The following LNX2 variants were observed in gnomAD, a reference collection of about 807,000 sequenced individuals.
The protein encoded by LNX2 is ligand of Numb protein X 2.
A neutral mutation model predicts 66.2 loss-of-function variants in LNX2; 35 were observed. That is an observed-to-expected ratio of 0.53 (90% CI 0.40 to 0.70). The LOEUF (loss-of-function observed/expected upper bound fraction) is 0.70, where lower values mean the gene tolerates loss of function less well. Ranked by LOEUF, LNX2 falls within the 30% of genes least tolerant of loss-of-function variation. The pLI, the probability that LNX2 is intolerant of heterozygous loss-of-function variation, is 0.00. For synonymous variants in LNX2, 337 were observed against 315.6 expected, an observed-to-expected ratio of 1.07 and a Z score of -0.72; for missense variants, 791 against 850.8, an observed-to-expected ratio of 0.93 and a Z score of 0.87.
intron 1 of LNX2, among the ~76,000 whole-genome samples, chr13:27,594,080 A>G (rs1955572681): frequency 6.6e-6 from 1 of 152,144 alleles, no homozygotes; most frequent in South Asian, 2.1e-4. Context: ...TTGGACTCCT[A>G]CTAGCAATGT....
intron 1 of LNX2, among the ~76,000 whole-genome samples, chr13:27,583,261 C>CGCGCGCGCCGCGT (rs11281345): frequency 2.2e-5 from 1 of 45,480 alleles, no homozygotes; most frequent in Non-Finnish European, 4.5e-5. Context: ...TGTGTGCGCG[C>CGCGCGCGCCGCGT]GTCCTCTCCA....
At chr13:27,577,479 C>T (rs925758422) in intron 2 of LNX2, among the ~76,000 whole-genome samples, 1 of 151,920 alleles carries the variant, frequency 6.6e-6, no homozygotes. Flanking sequence ...TTCCCTGGGC[C>T]ACACGGGAAG....
chr13:27,559,425 A>G (rs1216681024), intron 6 of LNX2, among the ~76,000 whole-genome samples: 3 of 152,220 alleles, frequency 2.0e-5, no homozygotes, highest in Non-Finnish European at 4.4e-5. Context: ...CAGGTTCTGT[A>G]GGCAACAGGC....
At chr13:27,565,589 T>C (rs1313009536) in intron 4 of LNX2, among the ~76,000 whole-genome samples, 1 of 152,102 alleles carries the variant, frequency 6.6e-6, no homozygotes, top group Non-Finnish European at 1.5e-5. Context: ...AGTACTAATA[T>C]CATAAAATGC....
chr13:27,614,842 A>G (rs1164432394), intron 1 of LNX2, among the ~76,000 whole-genome samples: 2 of 152,254 alleles, frequency 1.3e-5, no homozygotes, highest in South Asian at 4.1e-4. Context: ...GCAGGTATAA[A>G]TATTTCCCAG....
intron 4 of LNX2, among the ~76,000 whole-genome samples, chr13:27,565,496 G>A (rs1425990538): frequency 6.6e-6 from 1 of 152,166 alleles, no homozygotes; most frequent in African/African-American, 2.4e-5. Flanking sequence ...AGCTGTAAGA[G>A]TCGCTCTCTG....
intron 6 of LNX2, among the ~76,000 whole-genome samples, chr13:27,557,152 CAATATT>C (rs1235933626): frequency 6.6e-6 from 1 of 152,022 alleles, no homozygotes; most frequent in African/African-American, 2.4e-5. Flanking sequence ...TGTACATATG[CAATATT>C]AATATTAAAA....
At chr13:27,560,675 TATC>T (rs1181581390) in intron 5 of LNX2, among the ~76,000 whole-genome samples, 1 of 151,628 alleles carries the variant, frequency 6.6e-6, no homozygotes, top group African/African-American at 2.4e-5. Context: ...GCTTGTTAGC[TATC>T]ATATTTTGAA....
rs1954947602 is a variant in LNX2 at position 27,546,986 on chromosome 13, A to C, written c.*1349T>G. 6.6e-6 allele frequency: 1 copy of C among 152,194 alleles called. No homozygotes were observed. Among genetic ancestry groups the C allele is most frequent in the African/African-American group, 2.4e-5 (1 of 41,446 alleles). The allele number at this position is 152,194 out of a possible 1,614,324, so 9.4% of individuals were successfully genotyped here. On this transcript the variant is annotated 3_prime_UTR_variant, in exon 10 of 10. Coordinates refer to ENST00000316334, the MANE Select transcript of LNX2 (RefSeq NM_153371.4). ...GATACATCTAAAACCTACATTTCCA[A>C]CAAAACAGAACTTTTCTGTCTCCTA...
chr13:27,567,877 T>TA (rs747765300), intron 3 of LNX2, 38 bp from the exon 4 acceptor site: 15 of 1,546,344 alleles, frequency 9.7e-6, no homozygotes, highest in East Asian at 2.3e-5. Context: ...AAACAGATGT[T>TA]AAAAAAATAA....
chr13:27,616,479 C>CTG (rs1208310079), intron 1 of LNX2, among the ~76,000 whole-genome samples: 1 of 152,178 alleles, frequency 6.6e-6, no homozygotes, highest in Non-Finnish European at 1.5e-5. Flanking sequence ...TGGCCTGAAA[C>CTG]TGTCTCTCAG....
intron 2 of LNX2, among the ~76,000 whole-genome samples, chr13:27,569,585 A>C (rs1057318069): frequency 3.3e-5 from 5 of 152,222 alleles, no homozygotes; most frequent in Non-Finnish European, 4.4e-5. Context: ...TCTGTACTGC[A>C]ATAATTATTC....
chr13:27,569,316 A>C, intron 2 of LNX2, 40 bp from the exon 3 acceptor site: 1 of 1,581,154 alleles, frequency 6.3e-7, no homozygotes, highest in Non-Finnish European at 8.6e-7. Context: ...ATGATTTTGA[A>C]AACAAACAAA....
intron 1 of LNX2, among the ~76,000 whole-genome samples, chr13:27,582,939 C>T (rs80087146): frequency 1.3e-5 from 2 of 151,922 alleles, no homozygotes; most frequent in Admixed American, 1.3e-4. Context: ...TGAATTTCAG[C>T]GTATGTATGA....
At chr13:27,560,813 G>A (rs564236909) in intron 5 of LNX2, among the ~76,000 whole-genome samples, 1 of 151,882 alleles carries the variant, frequency 6.6e-6, no homozygotes, top group African/African-American at 2.4e-5. Flanking sequence ...TAATTCCTAT[G>A]GGAAAATATG....
intron 2 of LNX2, among the ~76,000 whole-genome samples, chr13:27,574,115 G>A (rs1955317347): frequency 6.6e-6 from 1 of 152,154 alleles, no homozygotes. Context: ...GAAACATTAA[G>A]TCATAATAAA....
chr13:27,553,185 A>C, intron 8 of LNX2, 23 bp downstream of exon 8: 1 of 1,588,152 alleles, frequency 6.3e-7, no homozygotes, highest in Non-Finnish European at 8.6e-7. Flanking sequence ...ATTTCCATAA[A>C]GCAACAAGAA....
In LNX2 at chr13:27,553,380, C is replaced by T; in HGVS notation, c.1606G>A (p.Val536Ile). 1 of 1,614,192 alleles carries T rather than the reference C, an allele frequency of 6.2e-7. No homozygotes were observed. Among genetic ancestry groups the T allele is most frequent in the African/African-American group, 1.3e-5 (1 of 75,050 alleles). ...GCGGCACTGGCTTTCAGCATTGCAA[C>T]TGCCTCACTGTGACTTAAATTGGTC... ...DLTNLSHSEA[V>I]AMLKASAASP... Residue 536 changes from valine to isoleucine, a missense_variant, in exon 8 of 10, where the codon GTT (valine) becomes ATT (isoleucine). Physicochemically the swap from Val to Ile is conservative, Grantham distance 29. Transcript: ENST00000316334.
Position 27,567,637 on chromosome 13 carries a change from T to C in LNX2, c.855+3A>G, listed in dbSNP as rs766287535. 4 of 1,612,870 alleles carry C rather than the reference T, an allele frequency of 2.5e-6. No homozygotes were observed. The highest frequency in any genetic ancestry group is 2.2e-5 in the East Asian group (1 of 44,874). ...AAGTTAACAGAATAATTAAAACTGATACCTGAAGAATCTGGTCTCCAGCAA... is the reference window on the plus strand; with the variant it reads ...AAGTTAACAGAATAATTAAAACTGACACCTGAAGAATCTGGTCTCCAGCAA... On this transcript the variant is annotated splice_donor_region_variant and intron_variant, in intron 4 of 9. Transcript: ENST00000316334.
Sources: gnomAD v4.1 joint callset for allele counts (sites outside exome capture counted in the v4.1 genomes callset) on GRCh38, gnomAD v4.1.1 for gene constraint, MANE v1.5 for transcripts, NCBI Gene and HGNC (gene_info 2026-07-23, HGNC 2026-07-21) for gene names.